The following FLVCR2 variants were observed in gnomAD, a reference collection of about 807,000 sequenced individuals.
The protein encoded by FLVCR2 is choline/ethanolamine transporter FLVCR2.
Under a neutral mutation model 48.9 loss-of-function variants are expected in FLVCR2, and 38 were observed. The observed-to-expected ratio is 0.78, with a 90% CI of 0.60 to 1.02. The LOEUF (loss-of-function observed/expected upper bound fraction) is 1.02. Among genes scored for constraint, FLVCR2 ranks in the 50% least tolerant of loss-of-function variants. FLVCR2 has a pLI of 0.00. For missense variants in FLVCR2, 664 were observed against 663.3 expected, an observed-to-expected ratio of 1.00 and a Z score of -0.01; for synonymous variants, 255 against 257.0, an observed-to-expected ratio of 0.99 and a Z score of 0.07.
rs1440084066 is a variant in FLVCR2, at chr14:75,633,704, A to T, written c.1020+8A>T. On this transcript the variant is annotated splice_region_variant and intron_variant, in intron 4 of 9. Transcript: ENST00000238667. ...GTGATCTGGCACTACCCGGTAAGGG[A>T]GTTCCCTAAGCATGTTGGGCCTCAA... The T allele has an allele frequency of 6.2e-7, 1 of 1,608,560 alleles. No homozygotes were observed. The highest frequency in any genetic ancestry group is 2.2e-5 in the East Asian group (1 of 44,876).
Position 75,579,541 on chromosome 14 carries a change from C to A in FLVCR2, c.569C>A (p.Ala190Asp). 2 of 1,613,816 alleles carry A rather than the reference C, an allele frequency of 1.2e-6. No homozygotes were observed. Among genetic ancestry groups the A allele is most frequent in the Non-Finnish European group, 1.7e-6 (2 of 1,179,882 alleles). ...GTGGGCCAGCTCATCTGCTCTGTGG[C>A]CCAGGTTTTCATCCTGGGCATGCCC... ...TVVGQLICSV[A>D]QVFILGMPSR... The change falls in exon 1 of 10, where the codon GCC (alanine) becomes GAC (aspartate). Residue 190 changes from alanine (A) to aspartate (D), a missense_variant. Transcript: ENST00000238667.
At chr14:75,642,548 A>G (rs1327419450) in intron 9 of FLVCR2, among the ~76,000 whole-genome samples, 1 of 152,252 alleles carries the variant, frequency 6.6e-6, no homozygotes, top group Non-Finnish European at 1.5e-5. Flanking sequence ...TGATGATGAA[A>G]GGAATTTCAA....
Position 75,622,059 on chromosome 14 carries a change from GT to G in FLVCR2, c.670-18del. On this transcript the variant is annotated intron_variant, in intron 1 of 9. Coordinates refer to ENST00000238667, the MANE Select transcript of FLVCR2 (RefSeq NM_017791.3). ...CTTGGCCATTGGTAACTGTGATTGGGTTGTCTCTGTCTTCTATAGCTTGGAA... is the reference window on the plus strand; with the variant it reads ...CTTGGCCATTGGTAACTGTGATTGGGTGTCTCTGTCTTCTATAGCTTGGAA... The G allele has an allele frequency of 6.2e-7, 1 of 1,614,000 alleles. No homozygotes were observed. Among genetic ancestry groups the G allele is most frequent in the Non-Finnish European group, 8.5e-7 (1 of 1,179,922 alleles).
intron 1 of FLVCR2, among the ~76,000 whole-genome samples, chr14:75,587,870 G>A (rs1056444406): frequency 1.3e-5 from 2 of 152,186 alleles, no homozygotes; most frequent in Non-Finnish European, 2.9e-5. Flanking sequence ...AGGGGACTTC[G>A]CCAGGACCTT....
intron 3 of FLVCR2, among the ~76,000 whole-genome samples, chr14:75,627,587 A>AC (rs1889935837): frequency 6.6e-6 from 1 of 152,068 alleles, no homozygotes; most frequent in Non-Finnish European, 1.5e-5. Flanking sequence ...TTGGAGCTCC[A>AC]CCCCTGAGAA....
chr14:75,581,815 A>G (rs991047358), intron 1 of FLVCR2, among the ~76,000 whole-genome samples: 7 of 152,242 alleles, frequency 4.6e-5, no homozygotes, highest in African/African-American at 1.7e-4. Flanking sequence ...AGAATAGCAA[A>G]TGGAACACTG....
intron 1 of FLVCR2, among the ~76,000 whole-genome samples, chr14:75,599,257 T>C (rs1316582714): frequency 6.6e-6 from 1 of 152,054 alleles, no homozygotes. Context: ...GCAAACTGAA[T>C]AGATGGAATT....
At chr14:75,631,091 C>G (rs1890027108) in intron 3 of FLVCR2, among the ~76,000 whole-genome samples, 1 of 152,174 alleles carries the variant, frequency 6.6e-6, no homozygotes, top group Non-Finnish European at 1.5e-5. Flanking sequence ...AAGATGGATT[C>G]AGAAAACATA....
chr14:75,632,047 T>C (rs1314067876), intron 3 of FLVCR2, among the ~76,000 whole-genome samples: 1 of 152,064 alleles, frequency 6.6e-6, no homozygotes, highest in Non-Finnish European at 1.5e-5. Flanking sequence ...ATCCCTGGGG[T>C]GAACTGCTGG....
chr14:75,636,767 G>C (rs141728707), intron 5 of FLVCR2, among the ~76,000 whole-genome samples: 6 of 152,304 alleles, frequency 3.9e-5, no homozygotes, highest in Non-Finnish European at 8.8e-5. Flanking sequence ...TCACTCTAAG[G>C]CTCCCAGATT....
chr14:75,619,480 TCCA>T (rs1398812478), intron 1 of FLVCR2, among the ~76,000 whole-genome samples: 24 of 115,308 alleles, frequency 2.1e-4, no homozygotes, highest in African/African-American at 9.4e-4. Context: ...CATCTGCTCA[TCCA>T]TCCATCCATC....
chr14:75,579,552 A>G lies in FLVCR2; in HGVS notation c.580A>G (p.Ile194Val), dbSNP rs769671547. The G allele has an allele frequency of 6.2e-7, 1 of 1,613,808 alleles. No individual in the cohort carries two copies. Among genetic ancestry groups the G allele is most frequent in the Admixed American group, 1.7e-5 (1 of 59,986 alleles). Residue 194 changes from isoleucine to valine, a missense_variant, in exon 1 of 10, where the codon ATC (isoleucine) becomes GTC (valine). Transcript: ENST00000238667. ...QLICSVAQVF[I>V]LGMPSRIASV... is the part of the protein sequence containing the mutation. The stretch of plus-strand genomic sequence containing the variant: ...CATCTGCTCTGTGGCCCAGGTTTTC[A>G]TCCTGGGCATGCCCTCCCGCATCGC...
chr14:75,604,170 G>A (rs1889234690), intron 1 of FLVCR2: 1 of 152,192 alleles, frequency 6.6e-6, no homozygotes, highest in Non-Finnish European at 1.5e-5. Flanking sequence ...TGAGAATACT[G>A]TCGTCTACGG....
In FLVCR2 at chr14:75,639,372, A is replaced by G. The variant is rs867039266; in HGVS notation, c.1145A>G (p.Tyr382Cys). ...TGTAGAGAGACAACCCTGGTAGTCT[A>G]TATCATGACACTGGTGGGCATGGTG... ...KTYKETTLVV[Y>C]IMTLVGMVVY... Residue 382 changes from tyrosine to cysteine, a missense_variant, in exon 6 of 10, where the codon TAT becomes TGT. Tyr to Cys is a radical substitution (Grantham distance 194, BLOSUM62 -2). Coordinates refer to ENST00000238667, the MANE Select transcript of FLVCR2 (RefSeq NM_017791.3). The G allele has an allele frequency of 2.5e-6, 4 of 1,613,458 alleles. No homozygotes were observed. Among genetic ancestry groups the G allele is most frequent in the African/African-American group, 1.3e-5 (1 of 74,934 alleles).
chr14:75,605,928 C>T (rs1486888160), intron 1 of FLVCR2: 6 of 414,104 alleles, frequency 1.4e-5, no homozygotes, highest in African/African-American at 6.0e-5. Context: ...TCTCCTTTGG[C>T]GGCTCTAGAG....
chr14:75,593,890 A>G (rs1410098000), intron 1 of FLVCR2, among the ~76,000 whole-genome samples: 2 of 152,228 alleles, frequency 1.3e-5, no homozygotes, highest in Non-Finnish European at 2.9e-5. Context: ...GCCAGCCTTC[A>G]GATTTCCCAA....
chr14:75,590,229 G>C (rs987519166), intron 1 of FLVCR2, among the ~76,000 whole-genome samples: 1 of 152,178 alleles, frequency 6.6e-6, no homozygotes, highest in African/African-American at 2.4e-5. Context: ...AGTTTCATGA[G>C]AGTGACAACT....
At chr14:75,640,595 T>G in intron 6 of FLVCR2, 1 of 345,356 alleles carries the variant, frequency 2.9e-6, no homozygotes, top group South Asian at 2.5e-5. Flanking sequence ...AAGTTCCCAC[T>G]CCCAGCACAG....
At chr14:75,633,144 C>A (rs1029406343) in intron 3 of FLVCR2, among the ~76,000 whole-genome samples, 2 of 152,122 alleles carry the variant, frequency 1.3e-5, no homozygotes, top group African/African-American at 4.8e-5. Context: ...GACATTGAAT[C>A]AGCAAAGAAA....
Sources: gnomAD v4.1 joint callset for allele counts (sites outside exome capture counted in the v4.1 genomes callset) on GRCh38, gnomAD v4.1.1 for gene constraint, MANE v1.5 for transcripts, NCBI Gene and HGNC (gene_info 2026-07-23, HGNC 2026-07-21) for gene names.